DLG2: variants seen among roughly 807,000 people sequenced by gnomAD.
DLG2 encodes disks large homolog 2.
In DLG2, 45 loss-of-function variants were observed where a neutral mutation model predicts 132.5. The observed-to-expected ratio is 0.34, with a 90% CI of 0.27 to 0.44. DLG2 has a LOEUF of 0.44. DLG2 is among the 20% of genes least tolerant of loss of function. The pLI, the probability that DLG2 is intolerant of heterozygous loss-of-function variation, is 1.00. For missense variants in DLG2, 1,045 were observed against 1,196.9 expected, an observed-to-expected ratio of 0.87 and a Z score of 1.87; for synonymous variants, 424 against 419.6, an observed-to-expected ratio of 1.01 and a Z score of -0.13.
chr11:84,726,652 C>T (rs753166223), intron 6 of DLG2, among the ~76,000 whole-genome samples: 20 of 152,084 alleles, frequency 1.3e-4, no homozygotes, highest in South Asian at 4.1e-4. Flanking sequence ...CTGGGTCAAA[C>T]GGTATTTCTG....
chr11:84,035,545 A>C (rs1194434434), intron 11 of DLG2, among the ~76,000 whole-genome samples: 1 of 152,210 alleles, frequency 6.6e-6, no homozygotes, highest in Non-Finnish European at 1.5e-5. Context: ...AGCTAGTGTT[A>C]TTGAAGGTGC....
chr11:84,908,666 G>A (rs1239705250), intron 6 of DLG2, among the ~76,000 whole-genome samples: 2 of 151,836 alleles, frequency 1.3e-5, no homozygotes, highest in Non-Finnish European at 2.9e-5. Context: ...TATGTTGTGG[G>A]GAAGGGTGGG....
intron 6 of DLG2, among the ~76,000 whole-genome samples, chr11:85,039,844 G>T (rs915922716): frequency 6.6e-6 from 1 of 151,808 alleles, no homozygotes; most frequent in Non-Finnish European, 1.5e-5. Flanking sequence ...CTGCAACTTG[G>T]TAAGACTCTT....
intron 9 of DLG2, among the ~76,000 whole-genome samples, chr11:84,132,320 A>T (rs933020144): frequency 4.6e-5 from 7 of 152,004 alleles, no homozygotes; most frequent in African/African-American, 1.7e-4. Flanking sequence ...TGATATCTAT[A>T]AGCTTTAAGC....
intron 21 of DLG2, among the ~76,000 whole-genome samples, chr11:83,508,055 G>A (rs971125279): frequency 5.3e-5 from 8 of 151,780 alleles, no homozygotes; most frequent in Non-Finnish European, 1.2e-4. Flanking sequence ...TACCCACCCA[G>A]ATTAAGGGTG....
At chr11:83,778,501 G>A (rs1480865517) in intron 18 of DLG2, among the ~76,000 whole-genome samples, 3 of 152,002 alleles carry the variant, frequency 2.0e-5, no homozygotes, top group African/African-American at 4.8e-5. Flanking sequence ...ACTTTATTAC[G>A]GAATGAAAGT....
chr11:85,565,989 T>C (rs1397186058), intron 3 of DLG2, among the ~76,000 whole-genome samples: 1 of 152,160 alleles, frequency 6.6e-6, no homozygotes. Flanking sequence ...GGGTTCCAAT[T>C]TTTACCATGC....
chr11:84,641,114 C>T (rs2154545144), intron 6 of DLG2, among the ~76,000 whole-genome samples: 1 of 152,266 alleles, frequency 6.6e-6, no homozygotes, highest in Middle Eastern at 3.4e-3. Context: ...TTTTCCTTAA[C>T]ACTGTTAACA....
chr11:83,739,276 TG>T (rs1823390679), intron 18 of DLG2, among the ~76,000 whole-genome samples: 1 of 152,312 alleles, frequency 6.6e-6, no homozygotes, highest in Admixed American at 6.5e-5. Context: ...AGAACTTCAC[TG>T]GTGTCAAAGT....
At chr11:83,488,889 T>C (rs1591707224) in intron 21 of DLG2, among the ~76,000 whole-genome samples, 1 of 151,902 alleles carries the variant, frequency 6.6e-6, no homozygotes, top group African/African-American at 2.4e-5. Context: ...TGAAAACAAG[T>C]GAGGTAAAAG....
intron 18 of DLG2, among the ~76,000 whole-genome samples, chr11:83,650,088 G>A (rs1427207756): frequency 6.6e-6 from 1 of 152,224 alleles, no homozygotes; most frequent in East Asian, 1.9e-4. Context: ...CCAGAAAAAT[G>A]CACCCATAAG....
At position 84,972,764 on chromosome 11, in the gene DLG2, C is replaced by T. The variant is rs1260684867; in HGVS notation, c.357+138897G>A. ...CCAGATTTCTTAAATTTACATCACT[C>T]ACTTTCCCTCATGCCATCCCTCAAA... On this transcript the variant is annotated intron_variant, in intron 6 of 27. Coordinates refer to ENST00000376104, the MANE Select transcript of DLG2 (RefSeq NM_001142699.3). Among the ~76,000 whole-genome samples, 4 of 151,884 alleles carry T rather than the reference C, an allele frequency of 2.6e-5. No individual in the cohort carries two copies. The East Asian group carries it at 7.8e-4, about 30-fold the overall frequency.
chr11:85,450,083 C>T (rs1259196285), intron 3 of DLG2, among the ~76,000 whole-genome samples: 2 of 151,964 alleles, frequency 1.3e-5, no homozygotes, highest in Non-Finnish European at 2.9e-5. Context: ...GAGCCAAGAT[C>T]GCACCACTGC....
At chr11:84,434,763 G>A (rs73523758) in intron 7 of DLG2, among the ~76,000 whole-genome samples, 4,628 of 151,892 alleles carry the variant, frequency 0.03, 105 homozygotes, top group South Asian at 0.081. Context: ...GAGTGTTTAG[G>A]ATGGCATTTA....
At chr11:84,372,584 T>A (rs748120346) in intron 7 of DLG2, among the ~76,000 whole-genome samples, 1 of 152,228 alleles carries the variant, frequency 6.6e-6, no homozygotes, top group African/African-American at 2.4e-5. Flanking sequence ...GGCAAAGGAA[T>A]TGATTCTTTC....
chr11:85,002,650 A>G (rs1218179182), intron 6 of DLG2, among the ~76,000 whole-genome samples: 1 of 152,108 alleles, frequency 6.6e-6, no homozygotes, highest in African/African-American at 2.4e-5. Flanking sequence ...TTACAACCAG[A>G]TGGGTGCCAA....
chr11:84,811,132 A>T lies in DLG2; in HGVS notation c.358-276401T>A, dbSNP rs555839604. Among the ~76,000 whole-genome samples, 38 of 152,312 alleles carry T rather than the reference A, an allele frequency of 2.5e-4. 1 individual carries two copies. The highest frequency in any genetic ancestry group is 6.8e-3 in the Middle Eastern group (2 of 294). On this transcript the variant is annotated intron_variant, in intron 6 of 27. Transcript: ENST00000376104. ...GACAACTGCATGTGAATGTATAGGT[A>T]TCTCAAAATAAACTTAATTTACTAA...
rs148983280 is a variant in DLG2, at chr11:83,602,155, G to A, written c.1940+31056C>T. Among the ~76,000 whole-genome samples, 14 of 152,318 alleles carry A rather than the reference G, an allele frequency of 9.2e-5. No individual in the cohort carries two copies. The East Asian group carries it at 2.7e-3, about 29-fold the overall frequency. ...AAATATCACTTCTGGAAATGAGCGA[G>A]TCTTTCTGCTTTCTGATTTCAATTA... On this transcript the variant is annotated intron_variant, in intron 19 of 27. Coordinates refer to ENST00000376104, the MANE Select transcript of DLG2 (RefSeq NM_001142699.3).
intron 21 of DLG2, among the ~76,000 whole-genome samples, chr11:83,511,861 G>C (rs949183257): frequency 5.3e-5 from 8 of 152,018 alleles, no homozygotes; most frequent in Middle Eastern, 6.8e-3. Flanking sequence ...ACTGCACCTG[G>C]CTTAAAAGCT....
Sources: allele counts gnomAD v4.1 joint callset (sites outside exome capture counted in the v4.1 genomes callset), GRCh38; gene constraint gnomAD v4.1.1; transcripts MANE v1.5; gene names NCBI Gene and HGNC (gene_info 2026-07-23, HGNC 2026-07-21).